The following BNC2 variants were observed in gnomAD, a reference collection of about 807,000 sequenced individuals.
BNC2 encodes zinc finger protein basonuclin-2.
Under a neutral mutation model 76.3 loss-of-function variants are expected in BNC2, and 20 were observed. The observed-to-expected ratio is 0.26, with a 90% CI of 0.18 to 0.38. The LOEUF is 0.38. Ranked by LOEUF, BNC2 falls within the 10% of genes least tolerant of loss-of-function variation. The pLI is 1.00. For synonymous variants in BNC2, 582 were observed against 514.8 expected (o/e 1.13, Z -1.77); for missense variants, 1,382 against 1,399.8 (o/e 0.99, Z 0.20).
At chr9:16,770,159 G>A (rs947035486) in intron 1 of BNC2, among the ~76,000 whole-genome samples, 1 of 152,124 alleles carries the variant, frequency 6.6e-6, no homozygotes, top group Non-Finnish European at 1.5e-5. Context: ...TAACCTGGAA[G>A]GTATGGGCCA....
At chr9:16,439,337 T>C (rs1821081443) in intron 5 of BNC2, among the ~76,000 whole-genome samples, 1 of 152,204 alleles carries the variant, frequency 6.6e-6, no homozygotes, top group African/African-American at 2.4e-5. Flanking sequence ...CAGTAGATAG[T>C]ACTCTTCAAA....
intron 4 of BNC2, among the ~76,000 whole-genome samples, chr9:16,580,303 G>A (rs1819598271): frequency 6.6e-6 from 1 of 152,074 alleles, no homozygotes; most frequent in African/African-American, 2.4e-5. Context: ...CACATGCTTG[G>A]GTGTATGCAT....
intron 1 of BNC2, among the ~76,000 whole-genome samples, chr9:16,793,736 G>A (rs1817574264): frequency 7.1e-6 from 1 of 140,740 alleles, no homozygotes; most frequent in Admixed American, 8.1e-5. Context: ...CGTGATCTGG[G>A]CTCATTGCAA....
Position 16,462,930 on chromosome 9 carries a change from T to C in BNC2, c.670-25406A>G, listed in dbSNP as rs543172135. On this transcript the variant is annotated intron_variant, in intron 5 of 6. Transcript: ENST00000380672. ...AGGCTTGTTTGATGTCCTAGTTTTA[T>C]GCCCAAATTTTAGAACTATCCTCTT... Among the ~76,000 whole-genome samples, 142 of 152,316 alleles carry C rather than the reference T, an allele frequency of 9.3e-4. 1 individual carries two copies. The highest frequency in any genetic ancestry group is 3.3e-3 in the African/African-American group (137 of 41,586).
intron 3 of BNC2, among the ~76,000 whole-genome samples, chr9:16,637,839 A>AC (rs1159548869): frequency 1.3e-5 from 2 of 152,256 alleles, no homozygotes; most frequent in African/African-American, 4.8e-5. Context: ...TATCAGGCAA[A>AC]GAAAAAAAAA....
chr9:16,586,917 T>A (rs1188996550), intron 3 of BNC2, among the ~76,000 whole-genome samples: 4 of 152,274 alleles, frequency 2.6e-5, no homozygotes, highest in Admixed American at 2.6e-4. Context: ...CTACCAAACC[T>A]CAGGATTTTA....
chr9:16,685,449 G>C, intron 3 of BNC2: 1 of 667,478 alleles, frequency 1.5e-6, no homozygotes, highest in Non-Finnish European at 2.4e-6. Context: ...CTCAATGGTT[G>C]TCTTTTCCTG....
intron 3 of BNC2, among the ~76,000 whole-genome samples, chr9:16,661,848 A>G (rs1245364567): frequency 6.6e-6 from 1 of 152,230 alleles, no homozygotes; most frequent in African/African-American, 2.4e-5. Flanking sequence ...GGTTTTTAAA[A>G]ATAAAACCAA....
chr9:16,793,196 T>G (rs1406091596), intron 1 of BNC2, among the ~76,000 whole-genome samples: 1 of 152,192 alleles, frequency 6.6e-6, no homozygotes, highest in Non-Finnish European at 1.5e-5. Flanking sequence ...GCTCCAACAA[T>G]ACAATGTTTT....
Position 16,434,961 on chromosome 9 carries a change from T to C in BNC2, c.2639+594A>G, listed in dbSNP as rs758100099. On this transcript the variant is annotated intron_variant, in intron 6 of 6. Coordinates refer to ENST00000380672, the MANE Select transcript of BNC2 (RefSeq NM_017637.6). Reference sequence around the variant, plus strand: ...ACATCTATCCCATTTCCTTCTGATATTTTCACAACTCTTAAAGAATTCAAG... The same window carrying C: ...ACATCTATCCCATTTCCTTCTGATACTTTCACAACTCTTAAAGAATTCAAG... The C allele has an allele frequency of 1.4e-4, 67 of 470,754 alleles. 1 individual carries two copies. The highest frequency in any genetic ancestry group is 2.6e-4 in the Non-Finnish European group (60 of 227,036). 29.2% of individuals were successfully genotyped at this position (470,754 alleles called of 1,614,324 possible). A position where few individuals can be genotyped will look rare whatever the true frequency, so the allele number is the denominator to read the frequency against.
At chr9:16,531,208 C>T (rs376656900) in intron 5 of BNC2, among the ~76,000 whole-genome samples, 33 of 152,302 alleles carry the variant, frequency 2.2e-4, no homozygotes, top group African/African-American at 6.3e-4. Context: ...TAGAAGACCA[C>T]AGTAGCCTCA....
At chr9:16,663,155 A>G in intron 3 of BNC2, among the ~76,000 whole-genome samples, 2 of 45,092 alleles carry the variant, frequency 4.4e-5, no homozygotes, top group South Asian at 3.3e-4. Context: ...TTGGAGACGG[A>G]GTCTTGCCCT....
At chr9:16,819,162 G>A (rs1274400732) in intron 1 of BNC2, among the ~76,000 whole-genome samples, 2 of 152,120 alleles carry the variant, frequency 1.3e-5, no homozygotes, top group South Asian at 2.1e-4. Flanking sequence ...CCTATAAGCT[G>A]TCTGTACAAC....
At chr9:16,590,267 G>A (rs1186791875) in intron 3 of BNC2, among the ~76,000 whole-genome samples, 3 of 151,790 alleles carry the variant, frequency 2.0e-5, no homozygotes, top group Admixed American at 6.6e-5. Context: ...ATCTTGGCTC[G>A]CTGCAACCTC....
intron 5 of BNC2, among the ~76,000 whole-genome samples, chr9:16,513,211 T>G (rs1822800222): frequency 6.6e-6 from 1 of 152,110 alleles, no homozygotes; most frequent in South Asian, 2.1e-4. Flanking sequence ...AGAATGTTAT[T>G]TATTACTATT....
chr9:16,676,127 T>C (rs772116283), intron 3 of BNC2, among the ~76,000 whole-genome samples: 3 of 152,156 alleles, frequency 2.0e-5, no homozygotes, highest in Non-Finnish European at 2.9e-5. Flanking sequence ...TCCTAAAGAA[T>C]TGAAAACACA....
At chr9:16,842,709 A>AT (rs74503336) in intron 1 of BNC2, among the ~76,000 whole-genome samples, 131 of 149,844 alleles carry the variant, frequency 8.7e-4, no homozygotes, top group Non-Finnish European at 1.6e-3. Context: ...AATTCATTGT[A>AT]TTTTTTTTTT....
At chr9:16,736,804 A>G (rs565412064) in intron 2 of BNC2, among the ~76,000 whole-genome samples, 3 of 147,402 alleles carry the variant, frequency 2.0e-5, no homozygotes, top group East Asian at 4.1e-4. Flanking sequence ...TGAGATGGAT[A>G]ATGGATACAC....
intron 5 of BNC2, among the ~76,000 whole-genome samples, chr9:16,463,868 G>A (rs1192644196): frequency 1.3e-5 from 2 of 151,948 alleles, no homozygotes; most frequent in Non-Finnish European, 2.9e-5. Flanking sequence ...GGCCAAGGCA[G>A]GCAGATCACT....
Sources: allele counts gnomAD v4.1 joint callset (sites outside exome capture counted in the v4.1 genomes callset), GRCh38; gene constraint gnomAD v4.1.1; transcripts MANE v1.5; gene names NCBI Gene and HGNC (gene_info 2026-07-23, HGNC 2026-07-21).